Variants in MTHFD1 observed in about 807,000 individuals in gnomAD.
MTHFD1 encodes C-1-tetrahydrofolate synthase, cytoplasmic.
A neutral mutation model predicts 110.3 loss-of-function variants in MTHFD1; 44 were observed. That is an observed-to-expected ratio of 0.40 (90% confidence interval 0.31 to 0.51). The LOEUF is 0.51. Ranked by LOEUF, MTHFD1 falls within the 20% of genes least tolerant of loss-of-function variation. The pLI is 0.60. For synonymous variants in MTHFD1, 402 were observed against 428.8 expected (o/e 0.94, Z 0.77); for missense variants, 909 against 1,173.1 (o/e 0.77, Z 3.29).
intron 1 of MTHFD1, chr14:64,390,575 C>T (rs1596527184): frequency 1.3e-5 from 2 of 152,896 alleles, no homozygotes; most frequent in East Asian, 3.8e-4. Context: ...CCTCTGCCTC[C>T]TGGGTTCAAG....
At chr14:64,450,096 C>A (rs1428853655) in intron 24 of MTHFD1, among the ~76,000 whole-genome samples, 1 of 152,120 alleles carries the variant, frequency 6.6e-6, no homozygotes, top group African/African-American at 2.4e-5. Context: ...GCCCAGACAG[C>A]CTTCTTATAA....
At chr14:64,412,553 AG>A (rs1566559727) in intron 4 of MTHFD1, 28 bp downstream of exon 4, 2 of 1,584,452 alleles carry the variant, frequency 1.3e-6, no homozygotes, top group South Asian at 2.2e-5. Context: ...GATTGTGAAG[AG>A]GGAAGGTGAA....
intron 4 of MTHFD1, among the ~76,000 whole-genome samples, chr14:64,413,142 G>A (rs1373768691): frequency 6.6e-6 from 1 of 151,508 alleles, no homozygotes; most frequent in Non-Finnish European, 1.5e-5. Flanking sequence ...ACCTGAGGTC[G>A]GGAGTTCGAG....
In MTHFD1 at chr14:64,420,564, T is replaced by C. The variant is rs566855634; in HGVS notation, c.727+639T>C. On this transcript the variant is annotated intron_variant, in intron 8 of 27. Transcript: ENST00000652337. ...TCTAAATATTAGGAATTGTTTTCTC[T>C]CTCCTCTGTTCTGAGTGTCACCACT... is the stretch of plus-strand genomic sequence containing the variant. Among the ~76,000 whole-genome samples the C allele has an allele frequency of 1.1e-4, 16 of 152,288 alleles. No individual in the cohort carries two copies. The East Asian group carries it at 2.9e-3, about 28-fold the overall frequency.
chr14:64,423,128 G>GCTTA (rs1178329943), intron 8 of MTHFD1: 1 of 152,116 alleles, frequency 6.6e-6, no homozygotes, highest in Non-Finnish European at 1.5e-5. Context: ...GACTCTAGGG[G>GCTTA]CTGTAAGAGG....
At chr14:64,414,286 C>CTTTTTT (rs3062425) in intron 4 of MTHFD1, among the ~76,000 whole-genome samples, 1 of 86,468 alleles carries the variant, frequency 1.2e-5, no homozygotes, top group Admixed American at 1.3e-4. Flanking sequence ...CCTGTCCCCG[C>CTTTTTT]TTTTTTTTTT....
chr14:64,430,012 T>C (rs1255331167), intron 12 of MTHFD1, among the ~76,000 whole-genome samples, 172 bp from the exon 13 acceptor site: 1 of 152,204 alleles, frequency 6.6e-6, no homozygotes, highest in African/African-American at 2.4e-5. Flanking sequence ...AACTCAGATT[T>C]CAATTGAGAG....
At chr14:64,440,372 C>A in intron 18 of MTHFD1, 106 bp downstream of exon 18, 1 of 1,297,644 alleles carries the variant, frequency 7.7e-7, no homozygotes, top group Non-Finnish European at 1.1e-6. Context: ...TAAGACATTG[C>A]AATTAATTCA....
chr14:64,404,742 G>A (rs1300962244), intron 2 of MTHFD1, among the ~76,000 whole-genome samples: 3 of 152,132 alleles, frequency 2.0e-5, no homozygotes, highest in Non-Finnish European at 2.9e-5. Flanking sequence ...AGGCTAAGGC[G>A]GGTAGATCAC....
intron 22 of MTHFD1, among the ~76,000 whole-genome samples, chr14:64,446,733 G>T (rs897574197): frequency 6.6e-6 from 1 of 152,090 alleles, no homozygotes; most frequent in Non-Finnish European, 1.5e-5. Flanking sequence ...TAGTTGAGAC[G>T]GGGTTTCACC....
chr14:64,435,126 T>G (rs897920266), intron 15 of MTHFD1, among the ~76,000 whole-genome samples: 1 of 151,702 alleles, frequency 6.6e-6, no homozygotes, highest in African/African-American at 2.4e-5. Flanking sequence ...ATTTTTGTAT[T>G]TTTTAGTAGA....
intron 1 of MTHFD1, among the ~76,000 whole-genome samples, chr14:64,397,164 TATATATATATATATATATATATATATAA>T (rs1387424876): frequency 0.02 from 315 of 15,746 alleles, 29 homozygotes; most frequent in African/African-American, 0.073. Flanking sequence ...TATATATATA[TATATATATATATATATATATATATATAA>T]AAAACAGTAA....
intron 13 of MTHFD1, 94 bp downstream of exon 13, chr14:64,430,324 G>A: frequency 8.5e-7 from 1 of 1,182,020 alleles, no homozygotes; most frequent in Admixed American, 1.7e-5. Flanking sequence ...CCATGACGGA[G>A]TCTTGCTCTG....
In MTHFD1 at chr14:64,388,370, A is replaced by AG; in HGVS notation, c.-55dup. On this transcript the variant is annotated 5_prime_UTR_variant, in exon 1 of 28. Coordinates refer to ENST00000652337, the MANE Select transcript of MTHFD1 (RefSeq NM_005956.4). ...GTTGGGTTGTCCTGCTTGGCTGCGG[A>AG]GGGAGTGGAACCTCGATATTGGTGG... 6.2e-7 allele frequency: 1 copy of AG among 1,614,146 alleles called. No homozygotes were observed. Among genetic ancestry groups the AG allele is most frequent in the Non-Finnish European group, 8.5e-7 (1 of 1,180,010 alleles).
intron 26 of MTHFD1, among the ~76,000 whole-genome samples, chr14:64,455,912 G>A (rs1488669664): frequency 6.6e-6 from 1 of 152,232 alleles, no homozygotes; most frequent in Non-Finnish European, 1.5e-5. Context: ...GCTCTCTATA[G>A]AGAGCAGAAG....
At chr14:64,397,437 C>T (rs1455641336) in intron 1 of MTHFD1, among the ~76,000 whole-genome samples, 1 of 151,450 alleles carries the variant, frequency 6.6e-6, no homozygotes, top group African/African-American at 2.4e-5. Flanking sequence ...AGACTACAGG[C>T]GCGTGCCACC....
chr14:64,428,398 G>A (rs1158335761), intron 12 of MTHFD1, among the ~76,000 whole-genome samples: 1 of 151,866 alleles, frequency 6.6e-6, no homozygotes, highest in African/African-American at 2.4e-5. Context: ...CTATAGGCAT[G>A]AGCCACCGTG....
rs1398099200 is a variant in MTHFD1 at position 64,430,174 on chromosome 14, T to TGTC, written c.1265-9_1265-7dup. The TGTC allele has an allele frequency of 6.2e-7, 1 of 1,613,512 alleles. No homozygotes were observed. ...CTTAACTGAGCTTCCACCCTTGACC[T>TGTC]GTCCCCTAGGTGGCGCTGCAGGAGG... On this transcript the variant is annotated splice_polypyrimidine_tract_variant and intron_variant, in intron 12 of 27. Transcript: ENST00000652337.
Position 64,424,831 on chromosome 14 carries a change from T to C in MTHFD1, c.755T>C (p.Val252Ala), listed in dbSNP as rs942684867. The C allele has an allele frequency of 5.6e-6, 9 of 1,613,918 alleles. No individual in the cohort carries two copies. Among genetic ancestry groups the C allele is most frequent in the Middle Eastern group, 1.6e-4 (1 of 6,084 alleles). The change falls in exon 9 of 28, where the codon GTT becomes GCT. Residue 252 changes from valine (V) to alanine (A), a missense_variant. By Grantham distance (64) the Val-to-Ala change is moderately conservative. Coordinates refer to ENST00000652337, the MANE Select transcript of MTHFD1 (RefSeq NM_005956.4). Reference protein sequence around the residue: ...PDDKKPNGRKVVGDVAYDEAK... With the variant: ...PDDKKPNGRKAVGDVAYDEAK... ...GATAAAAAACCAAATGGGAGAAAAG[T>C]TGTGGGTGATGTGGCATACGACGAG...
Sources: allele counts gnomAD v4.1 joint callset (sites outside exome capture counted in the v4.1 genomes callset), GRCh38; gene constraint gnomAD v4.1.1; transcripts MANE v1.5; gene names NCBI Gene and HGNC (gene_info 2026-07-23, HGNC 2026-07-21).